Variants in PCDH8 observed in about 807,000 individuals in gnomAD.
PCDH8 encodes the protein protocadherin 8.
PCDH8 carries 36 observed loss-of-function variants against 58.2 expected under a neutral mutation model. That is an observed-to-expected ratio of 0.62 (90% CI 0.47 to 0.82). PCDH8 has a LOEUF of 0.82. Among genes scored for constraint, PCDH8 ranks in the 40% least tolerant of loss-of-function variants. PCDH8 has a pLI of 0.00. For missense variants in PCDH8, 1,493 were observed against 1,567.8 expected (o/e 0.95, Z 0.81); for synonymous variants, 775 against 728.9 (o/e 1.06, Z -1.02).
In PCDH8 at chr13:52,847,426, G is replaced by A. The variant is rs560631314; in HGVS notation, c.1011C>T (p.Thr337=). 39 of 1,586,094 alleles carry A rather than the reference G, an allele frequency of 2.5e-5. No homozygotes were observed. Among genetic ancestry groups the A allele is most frequent in the Non-Finnish European group, 3.3e-5 (39 of 1,172,868 alleles). ...CTCGGATGCGCACGATGACCTTGCA[G>A]GTGGCAGCGCGGGGCCCGGGTCCGC... ...QDRGPGPRAA[T]CKVIVRIRDV... The change falls in exon 1 of 3, where the codon ACC becomes ACT. Residue 337 remains threonine, a synonymous_variant. Coordinates refer to ENST00000377942, the MANE Select transcript of PCDH8 (RefSeq NM_002590.4).
rs1341592593 is a variant in PCDH8, at chr13:52,847,321, A to G, written c.1116T>C (p.Ala372=). The part of the protein sequence containing the change: ...PGAPATSPFA[A]AAAAAALGGA... Reference sequence around the variant, plus strand: ...CCCCGAGTGCAGCGGCGGCGGCGGCAGCGGCGAAGGGTGAGGTTGCCGGCG... The same window carrying G: ...CCCCGAGTGCAGCGGCGGCGGCGGCGGCGGCGAAGGGTGAGGTTGCCGGCG... Residue 372 remains alanine (A), a synonymous_variant, in exon 1 of 3, where the codon GCT becomes GCC. Transcript: ENST00000377942. 7.1e-7 allele frequency: 1 copy of G among 1,412,420 alleles called. No individual in the cohort carries two copies. Among genetic ancestry groups the G allele is most frequent in the Non-Finnish European group, 9.2e-7 (1 of 1,090,316 alleles). 87.5% of individuals were successfully genotyped at this position (1,412,420 alleles called of 1,614,324 possible).
rs770517657 is a variant in PCDH8 at position 52,847,758 on chromosome 13, C to A, written c.679G>T (p.Ala227Ser). Residue 227 changes from alanine (A) to serine (S), a missense_variant, in exon 1 of 3, where the codon GCC becomes TCC. By Grantham distance (99) the Ala-to-Ser change is moderately conservative. This residue lies in a region of PCDH8 where 1,307 missense variants were observed against 1,362.7 expected (regional missense o/e 0.96). Coordinates refer to ENST00000377942, the MANE Select transcript of PCDH8 (RefSeq NM_002590.4). ...ACGCGCACGCTGAGGGCAGCCGTGG[C>A]GGAGCGCGGCGGGCGGCCGCCGTCC... The part of the protein sequence containing the change: ...AQDGGRPPRS[A>S]TAALSVRVLD... 2.7e-6 allele frequency: 4 copies of A among 1,465,120 alleles called. No individual in the cohort carries two copies. Among genetic ancestry groups the A allele is most frequent in the Admixed American group, 2.5e-5 (1 of 39,942 alleles). The allele number at this position is 1,465,120 out of a possible 1,614,324, so 90.8% of individuals were successfully genotyped here. A position where few individuals can be genotyped will look rare whatever the true frequency, so the allele number is the denominator to read the frequency against.
In PCDH8 at chr13:52,848,055, C is replaced by A. The variant is rs758226170; in HGVS notation, c.382G>T (p.Val128Phe). 5 of 1,611,502 alleles carry A rather than the reference C, an allele frequency of 3.1e-6. No individual in the cohort carries two copies. The highest frequency in any genetic ancestry group is 1.3e-5 in the African/African-American group (1 of 74,910). ...GGGAAGCGCGGCGCGTGGTCGTTGA[C>A]GTCCCTCACCTCTACCTCCACGTGC... ...LVHVEVEVRDVNDHAPRFPRA... is the reference protein window; with the variant it reads ...LVHVEVEVRDFNDHAPRFPRA... The change falls in exon 1 of 3, where the codon GTC becomes TTC. Residue 128 changes from valine to phenylalanine, a missense_variant. This residue lies in a region of PCDH8 where 1,307 missense variants were observed against 1,362.7 expected (regional missense o/e 0.96). Transcript: ENST00000377942.
At chr13:52,845,400 T>C (rs1216597468) in intron 2 of PCDH8, 25 bp downstream of exon 2, 3 of 1,610,138 alleles carry the variant, frequency 1.9e-6, no homozygotes, top group Non-Finnish European at 2.5e-6. Flanking sequence ...GAATGCCGAA[T>C]TTGGCGGGAA....
At position 52,846,342 on chromosome 13, in the gene PCDH8, G is replaced by A; in HGVS notation, c.2095C>T (p.Pro699Ser). The A allele has an allele frequency of 1.3e-6, 2 of 1,566,484 alleles. No homozygotes were observed. The highest frequency in any genetic ancestry group is 2.3e-5 in the South Asian group (2 of 85,554). Reference sequence around the variant, plus strand: ...CTGACAGTTGCGGTGGTGGTGAGCGGGGGACGGCCGCCGTCGGATATGACC... The same window carrying A: ...CTGACAGTTGCGGTGGTGGTGAGCGAGGGACGGCCGCCGTCGGATATGACC... ...LLVISDGGRP[P>S]LTTTATVSFV... Residue 699 changes from proline (P) to serine (S), a missense_variant, in exon 1 of 3, where the codon CCG (proline) becomes TCG (serine). Transcript: ENST00000377942.
chr13:52,848,339 C>G lies in PCDH8; in HGVS notation c.98G>C (p.Arg33Pro). ...VLSVAQSKTV[R>P]YSTFEEDAPG... ...GGCATCCTCCTCGAAGGTGCTGTAT[C>G]GGACTGTTTTGCTCTGGGCCACTGA... Residue 33 changes from arginine (R) to proline (P), a missense_variant, in exon 1 of 3, where the codon CGA (arginine) becomes CCA (proline). Physicochemically the swap from Arg to Pro is moderately radical, Grantham distance 103. This residue lies in a region of PCDH8 where 1,307 missense variants were observed against 1,362.7 expected (regional missense o/e 0.96). Transcript: ENST00000377942. The G allele has an allele frequency of 1.9e-6, 3 of 1,613,140 alleles. No individual in the cohort carries two copies. The highest frequency in any genetic ancestry group is 1.7e-6 in the Non-Finnish European group (2 of 1,180,040).
rs17853509 is a variant in PCDH8, at chr13:52,848,275, A to G, written c.162T>C (p.His54=). The G allele has an allele frequency of 5.0e-6, 8 of 1,613,656 alleles. No individual in the cohort carries two copies. In the South Asian group the frequency reaches 8.8e-5, roughly 18 times the overall value. The change falls in exon 1 of 3, where the codon CAT becomes CAC. Residue 54 remains histidine, a synonymous_variant. Transcript: ENST00000377942. ...TVIGTLAEDL[H]MKVSGDTSFR... ...AGCTTGTGTCACCCGATACTTTCAT[A>G]TGCAGGTCCTCGGCCAGGGTCCCGA...
Position 52,846,685 on chromosome 13 carries a change from G to A in PCDH8, c.1752C>T (p.Gly584=). The change falls in exon 1 of 3, where the codon GGC becomes GGT. Residue 584 remains glycine, a synonymous_variant. Coordinates refer to ENST00000377942, the MANE Select transcript of PCDH8 (RefSeq NM_002590.4). Reference sequence around the variant, plus strand: ...CGCTGCTGGAAAGCTGAGGGGAGCCGCCGTCGCTAGCTTGGATGCGAACGT... The same window carrying A: ...CGCTGCTGGAAAGCTGAGGGGAGCCACCGTCGCTAGCTTGGATGCGAACGT... ...QLDVRIQASD[G]GSPQLSSSAL... 6.3e-7 allele frequency: 1 copy of A among 1,599,334 alleles called. No homozygotes were observed. The highest frequency in any genetic ancestry group is 2.2e-5 in the East Asian group (1 of 44,598).
chr13:52,847,111 G>A lies in PCDH8; in HGVS notation c.1326C>T (p.Ala442=). 1 of 1,557,984 alleles carries A rather than the reference G, an allele frequency of 6.4e-7. No individual in the cohort carries two copies. The highest frequency in any genetic ancestry group is 8.6e-7 in the Non-Finnish European group (1 of 1,158,802). ...YGHEHFRLQP[A]YAGSYLVVTA... ...TCACCACCAGGTAGCTGCCCGCGTA[G>A]GCCGGCTGCAGCCGGAAGTGCTCGT... Residue 442 remains alanine, a synonymous_variant, in exon 1 of 3, where the codon GCC becomes GCT. Transcript: ENST00000377942.
Position 52,846,239 on chromosome 13 carries a change from G to A in PCDH8, c.2198C>T (p.Pro733Leu). The A allele has an allele frequency of 6.3e-7, 1 of 1,584,878 alleles. No individual in the cohort carries two copies. The highest frequency in any genetic ancestry group is 2.3e-5 in the East Asian group (1 of 44,198). ...CCCGGACACCCCGAGCCGAGAGCCAGGCGGGCGGGAACGCTCCGGGCTTCC... is the reference window on the plus strand; with the variant it reads ...CCCGGACACCCCGAGCCGAGAGCCAAGCGGGCGGGAACGCTCCGGGCTTCC... ...SAGSPERSRP[P>L]GSRLGVSGSV... The change falls in exon 1 of 3, where the codon CCT becomes CTT. Residue 733 changes from proline (P) to leucine (L), a missense_variant. This residue lies in a region of PCDH8 where 1,307 missense variants were observed against 1,362.7 expected (regional missense o/e 0.96). Coordinates refer to ENST00000377942, the MANE Select transcript of PCDH8 (RefSeq NM_002590.4).
rs771468955 is a variant in PCDH8 at position 52,847,012 on chromosome 13, G to A, written c.1425C>T (p.Pro475=). ...LTLVAEDRGA[P]PLRTVRPYTV... Reference sequence around the variant, plus strand: ...TGTAGGGCCGCACTGTGCGCAGCGGGGGCGCGCCGCGATCCTCGGCCACCA... The same window carrying A: ...TGTAGGGCCGCACTGTGCGCAGCGGAGGCGCGCCGCGATCCTCGGCCACCA... Residue 475 remains proline, a synonymous_variant, in exon 1 of 3, where the codon CCC becomes CCT. Transcript: ENST00000377942. 1.3e-6 allele frequency: 2 copies of A among 1,569,268 alleles called. No homozygotes were observed. The highest frequency in any genetic ancestry group is 2.4e-5 in the East Asian group (1 of 42,230).
chr13:52,845,624 A>C lies in PCDH8; in HGVS notation c.2640T>G (p.Gly880=), dbSNP rs754635918. 3.7e-6 allele frequency: 6 copies of C among 1,613,632 alleles called. No homozygotes were observed. Among genetic ancestry groups the C allele is most frequent in the African/African-American group, 1.3e-5 (1 of 74,864 alleles). Residue 880 remains glycine, a synonymous_variant, in exon 2 of 3, where the codon GGT becomes GGG. Transcript: ENST00000377942. ...GCTCCTTTCCAAAACCCGGGGAGGCACCGTAGGGCTGCAGCAGGGAATAGG... is the reference window on the plus strand; with the variant it reads ...GCTCCTTTCCAAAACCCGGGGAGGCCCCGTAGGGCTGCAGCAGGGAATAGG... The part of the protein sequence containing the change: ...RLRGAHAEPY[G]ASPGFGKEPA...
In PCDH8 at chr13:52,844,444, A is replaced by G; in HGVS notation, c.*116T>C. The G allele has an allele frequency of 1.2e-6, 1 of 856,712 alleles. No individual in the cohort carries two copies. The highest frequency in any genetic ancestry group is 2.4e-5 in the South Asian group (1 of 41,110). The allele number at this position is 856,712 out of a possible 1,614,324, so 53.1% of individuals were successfully genotyped here. A position where few individuals can be genotyped will look rare whatever the true frequency, so the allele number is the denominator to read the frequency against. On this transcript the variant is annotated 3_prime_UTR_variant, in exon 3 of 3. Coordinates refer to ENST00000377942, the MANE Select transcript of PCDH8 (RefSeq NM_002590.4). Reference sequence around the variant, plus strand: ...ACCAATGTGATTGGAAATAGCTTCCAACAACTTCATTGTAAGGCACATCTT... The same window carrying G: ...ACCAATGTGATTGGAAATAGCTTCCGACAACTTCATTGTAAGGCACATCTT...
In PCDH8 at chr13:52,847,032, C is replaced by T. The variant is rs1260053046; in HGVS notation, c.1405G>A (p.Ala469Thr). The part of the protein sequence containing the change: ...RIAEYNLTLV[A>T]EDRGAPPLRT... ...AGCGGGGGCGCGCCGCGATCCTCGG[C>T]CACCAGCGTCAAGTTGTACTCGGCG... is the stretch of plus-strand genomic sequence containing the variant. Residue 469 changes from alanine (A) to threonine (T), a missense_variant, in exon 1 of 3, where the codon GCC becomes ACC. Coordinates refer to ENST00000377942, the MANE Select transcript of PCDH8 (RefSeq NM_002590.4). The T allele has an allele frequency of 6.4e-7, 1 of 1,566,190 alleles. No homozygotes were observed. Among genetic ancestry groups the T allele is most frequent in the Non-Finnish European group, 8.6e-7 (1 of 1,158,256 alleles).
rs747632889 is a variant in PCDH8 at position 52,847,639 on chromosome 13, G to C, written c.798C>G (p.Leu266=). The C allele has an allele frequency of 8.3e-6, 13 of 1,574,762 alleles. No homozygotes were observed. The highest frequency in any genetic ancestry group is 1.7e-4 in the Middle Eastern group (1 of 6,002). Residue 266 remains leucine (L), a synonymous_variant, in exon 1 of 3, where the codon CTC becomes CTG. Coordinates refer to ENST00000377942, the MANE Select transcript of PCDH8 (RefSeq NM_002590.4). ...AEDAPVGSLL[L]DLDAADPDEG... ...CGTCGGGGTCGGCTGCGTCCAGGTC[G>C]AGAAGCAGGGAGCCCACGGGCGCGT...
chr13:52,847,878 T>G lies in PCDH8; in HGVS notation c.559A>C (p.Thr187Pro). The G allele has an allele frequency of 6.5e-7, 1 of 1,538,084 alleles. No individual in the cohort carries two copies. The change falls in exon 1 of 3, where the codon ACG becomes CCG. Residue 187 changes from threonine (T) to proline (P), a missense_variant. Thr to Pro is a conservative substitution (Grantham distance 38, BLOSUM62 -1). Transcript: ENST00000377942. ...PHSPFRVELQTRADGAQCADL... is the reference protein window; with the variant it reads ...PHSPFRVELQPRADGAQCADL... ...GCGCACTGAGCGCCGTCCGCTCGCG[T>G]CTGCAGCTCCACGCGAAAGGGGCTG... is the stretch of plus-strand genomic sequence containing the variant.
rs777275555 is a variant in PCDH8, at chr13:52,846,060, C to T, written c.2377G>A (p.Gly793Arg). ...GCCGAGGCTCCGCCGCCCGCCGCCC[C>T]GGGCCGCTCTTCCCGGAGGGCCCCC... is the stretch of plus-strand genomic sequence containing the variant. ...KGGALREERP[G>R]AAGGGASAPG... is the part of the protein sequence containing the mutation. Residue 793 changes from glycine to arginine, a missense_variant, in exon 1 of 3, where the codon GGG becomes AGG. Gly to Arg is a moderately radical substitution (Grantham distance 125). Around this residue, in one of 3 missense-constraint regions of PCDH8, gnomAD observed 1,307 missense variants for 1,362.7 expected, o/e 0.96. Transcript: ENST00000377942. The T allele has an allele frequency of 1.2e-5, 19 of 1,527,182 alleles. No homozygotes were observed. The highest frequency in any genetic ancestry group is 1.5e-5 in the Non-Finnish European group (17 of 1,152,360). 94.6% of individuals were successfully genotyped at this position (1,527,182 alleles called of 1,614,324 possible).
In PCDH8 at chr13:52,845,926, C is replaced by T; in HGVS notation, c.2511G>A (p.Ala837=). ...TGKAPFGSPA[A]DAPPPAVAAA... is the part of the protein sequence containing the mutation. Reference sequence around the variant, plus strand: ...CGGCGACCGCAGGCGGAGGCGCGTCCGCCGCGGGGCTGCCAAAGGGCGCTT... The same window carrying T: ...CGGCGACCGCAGGCGGAGGCGCGTCTGCCGCGGGGCTGCCAAAGGGCGCTT... Residue 837 remains alanine (A), a synonymous_variant, in exon 1 of 3, where the codon GCG becomes GCA. Coordinates refer to ENST00000377942, the MANE Select transcript of PCDH8 (RefSeq NM_002590.4). The T allele has an allele frequency of 6.8e-7, 1 of 1,480,762 alleles. No homozygotes were observed. Among genetic ancestry groups the T allele is most frequent in the Non-Finnish European group, 8.9e-7 (1 of 1,127,692 alleles). The allele number at this position is 1,480,762 out of a possible 1,614,324, so 91.7% of individuals were successfully genotyped here. A position where few individuals can be genotyped will look rare whatever the true frequency, so the allele number is the denominator to read the frequency against.
chr13:52,848,088 G>A lies in PCDH8; in HGVS notation c.349C>T (p.Arg117Trp). Residue 117 changes from arginine to tryptophan, a missense_variant, in exon 1 of 3, where the codon CGG becomes TGG. Arg to Trp is a moderately radical substitution (Grantham distance 101). Around this residue, in one of 3 missense-constraint regions of PCDH8, gnomAD observed 1,307 missense variants for 1,362.7 expected, o/e 0.96. Transcript: ENST00000377942. ...ACCTCTACCTCCACGTGCACCAGCC[G>A]GAACTGCTCCTGCGAGAAGCTGACC... ...DVVSFSQEQF[R>W]LVHVEVEVRD... 1.2e-6 allele frequency: 2 copies of A among 1,612,772 alleles called. No individual in the cohort carries two copies. Among genetic ancestry groups the A allele is most frequent in the Non-Finnish European group, 1.7e-6 (2 of 1,179,786 alleles).
Sources: allele counts gnomAD v4.1 joint callset, GRCh38; gene constraint gnomAD v4.1.1; regional missense constraint gnomAD v4.1.1; transcripts MANE v1.5; gene names NCBI Gene and HGNC (gene_info 2026-07-23, HGNC 2026-07-21).